DGKI: variants seen among roughly 807,000 people sequenced by gnomAD.
The protein encoded by DGKI is diacylglycerol kinase iota, also known as DAG kinase iota.
DGKI carries 55 observed loss-of-function variants against 147.5 expected under a neutral mutation model. The observed-to-expected ratio is 0.37, with a 90% CI of 0.30 to 0.47. The LOEUF (loss-of-function observed/expected upper bound fraction) is 0.47, where lower values mean the gene tolerates loss of function less well. DGKI is among the 20% of genes least tolerant of loss of function. The pLI is 1.00. For synonymous variants in DGKI, 469 were observed against 477.1 expected, an observed-to-expected ratio of 0.98 and a Z score of 0.22; for missense variants, 1,007 against 1,323.8, an observed-to-expected ratio of 0.76 and a Z score of 3.71.
chr7:137,730,101 C>A (rs1247356223), intron 1 of DGKI, among the ~76,000 whole-genome samples: 1 of 152,172 alleles, frequency 6.6e-6, no homozygotes, highest in Admixed American at 6.5e-5. Context: ...TTCTCCTCCA[C>A]CCCTTCTTAT....
chr7:137,580,528 T>C (rs916004891), intron 15 of DGKI, among the ~76,000 whole-genome samples: 2 of 152,150 alleles, frequency 1.3e-5, no homozygotes, highest in African/African-American at 4.8e-5. Context: ...TACCAAACTA[T>C]GGCTTTCTCT....
chr7:137,523,190 C>T (rs1178999044), intron 20 of DGKI, among the ~76,000 whole-genome samples: 2 of 151,662 alleles, frequency 1.3e-5, no homozygotes. Context: ...TTAGGACACC[C>T]CTCTCTACCT....
At chr7:137,472,410 T>TATATACATATACATATTATATGTAC (rs1815012320) in intron 23 of DGKI, among the ~76,000 whole-genome samples, 2 of 133,844 alleles carry the variant, frequency 1.5e-5, no homozygotes, top group Admixed American at 7.8e-5. Flanking sequence ...ATTATATGTA[T>TATATACATATACATATTATATGTAC]ATATACATAT....
rs1811524332 is a variant in DGKI, at chr7:137,395,684, G to A, written c.2971C>T (p.Leu991=). The A allele has an allele frequency of 6.2e-7, 1 of 1,614,024 alleles. No individual in the cohort carries two copies. The highest frequency in any genetic ancestry group is 1.7e-5 in the Admixed American group (1 of 60,036). ...MADSETGETA[L]HKAACQRNRA... ...TTCCGCTGGCAGGCAGCCTTGTGCAGTGCAGTCTCACCCCTAAATCAAAGA... is the reference window on the plus strand; with the variant it reads ...TTCCGCTGGCAGGCAGCCTTGTGCAATGCAGTCTCACCCCTAAATCAAAGA... Residue 991 remains leucine (L), a synonymous_variant, in exon 32 of 33, where the codon CTG becomes TTG. Transcript: ENST00000614521.
At chr7:137,584,324 G>A (rs1446227669) in intron 14 of DGKI, among the ~76,000 whole-genome samples, 3 of 152,146 alleles carry the variant, frequency 2.0e-5, no homozygotes, top group Non-Finnish European at 4.4e-5. Context: ...AAGGAAAATG[G>A]AAAGTAATAT....
intron 2 of DGKI, among the ~76,000 whole-genome samples, chr7:137,682,025 G>A (rs776412392): frequency 6.6e-6 from 1 of 152,226 alleles, no homozygotes; most frequent in East Asian, 1.9e-4. Context: ...GTTGCTGGGA[G>A]AAGTTAGCTA....
At chr7:137,541,263 G>A (rs1397956439) in intron 20 of DGKI, among the ~76,000 whole-genome samples, 1 of 152,180 alleles carries the variant, frequency 6.6e-6, no homozygotes, top group Non-Finnish European at 1.5e-5. Flanking sequence ...GTGTGCATGT[G>A]CGTGTGTGTG....
chr7:137,614,391 C>T (rs1047317562), intron 8 of DGKI, among the ~76,000 whole-genome samples: 1 of 152,170 alleles, frequency 6.6e-6, no homozygotes, highest in Non-Finnish European at 1.5e-5. Context: ...TCACGTAAGT[C>T]TCAATCCCTC....
chr7:137,805,292 T>C (rs1010783733), intron 1 of DGKI, among the ~76,000 whole-genome samples: 1 of 152,214 alleles, frequency 6.6e-6, no homozygotes, highest in African/African-American at 2.4e-5. Context: ...CCATTGAGCA[T>C]GACAGTGTTC....
intron 12 of DGKI, among the ~76,000 whole-genome samples, chr7:137,590,180 A>G (rs1163271121): frequency 6.6e-6 from 1 of 152,242 alleles, no homozygotes; most frequent in Non-Finnish European, 1.5e-5. Flanking sequence ...ATGGAGAAAT[A>G]AAAGTGTGTG....
intron 12 of DGKI, among the ~76,000 whole-genome samples, chr7:137,591,247 A>G (rs1308330643): frequency 1.3e-5 from 2 of 152,246 alleles, no homozygotes; most frequent in African/African-American, 4.8e-5. Flanking sequence ...CCGGATAAAT[A>G]GATTCTTTCT....
chr7:137,723,585 C>T (rs542140046), intron 1 of DGKI, among the ~76,000 whole-genome samples: 1 of 150,362 alleles, frequency 6.7e-6, no homozygotes, highest in East Asian at 2.0e-4. Flanking sequence ...GGAGACGAGT[C>T]AAACAACAAA....
intron 1 of DGKI, among the ~76,000 whole-genome samples, chr7:137,696,156 CAACA>C (rs1268720925): frequency 6.6e-6 from 1 of 152,164 alleles, no homozygotes; most frequent in Non-Finnish European, 1.5e-5. Context: ...TCTGTTCATT[CAACA>C]AACATTTGAC....
At chr7:137,809,903 GAA>G (rs72309821) in intron 1 of DGKI, among the ~76,000 whole-genome samples, 1 of 146,664 alleles carries the variant, frequency 6.8e-6, no homozygotes, top group African/African-American at 2.5e-5. Flanking sequence ...AACCCAGTTG[GAA>G]AAAAAAAAAT....
chr7:137,794,318 T>TA (rs1423886028), intron 1 of DGKI, among the ~76,000 whole-genome samples: 1 of 152,212 alleles, frequency 6.6e-6, no homozygotes, highest in African/African-American at 2.4e-5. Flanking sequence ...CTCAACTATT[T>TA]ATTCTTACCA....
intron 21 of DGKI, chr7:137,514,068 C>T (rs372987839): frequency 2.5e-5 from 14 of 560,002 alleles, no homozygotes; most frequent in South Asian, 1.1e-4. Context: ...AGAACTTCAT[C>T]GCCCTCTGAT....
chr7:137,623,399 C>T (rs534725906), intron 7 of DGKI, 84 bp downstream of exon 7: 5 of 1,333,854 alleles, frequency 3.7e-6, no homozygotes, highest in East Asian at 2.3e-5. Context: ...ATGCCTTCTA[C>T]TTCCAGGGAG....
intron 1 of DGKI, among the ~76,000 whole-genome samples, chr7:137,691,510 T>A (rs1585376159): frequency 2.6e-5 from 4 of 151,990 alleles, no homozygotes; most frequent in African/African-American, 9.7e-5. Flanking sequence ...GTGACTCCCA[T>A]CACAAATGAG....
chr7:137,586,945 T>G (rs575833474), intron 13 of DGKI, 152 bp downstream of exon 13: 2 of 514,654 alleles, frequency 3.9e-6, no homozygotes, highest in African/African-American at 3.9e-5. Context: ...AGCTACCAGA[T>G]CAAATAAGGG....
Sources: allele counts gnomAD v4.1 joint callset (sites outside exome capture counted in the v4.1 genomes callset), GRCh38; gene constraint gnomAD v4.1.1; transcripts MANE v1.5; gene names NCBI Gene and HGNC (gene_info 2026-07-23, HGNC 2026-07-21).